NAV3: variants seen among roughly 807,000 people sequenced by gnomAD.
NAV3 encodes pore membrane and/or filament interacting like protein 1.
In NAV3, 87 loss-of-function variants were observed where a neutral mutation model predicts 244.7. The ratio of observed to expected loss-of-function variants is 0.36; its 90% CI spans 0.30 to 0.42. The LOEUF (loss-of-function observed/expected upper bound fraction) is 0.42, where lower values mean the gene tolerates loss of function less well. Ranked by LOEUF, NAV3 falls within the 20% of genes least tolerant of loss-of-function variation. NAV3 has a pLI of 1.00. For missense variants in NAV3, 2,663 were observed against 2,893.3 expected, an observed-to-expected ratio of 0.92 and a Z score of 1.83; for synonymous variants, 1,126 against 1,042.2, an observed-to-expected ratio of 1.08 and a Z score of -1.55.
At chr12:78,042,111 C>T (rs1880966096) in intron 9 of NAV3, among the ~76,000 whole-genome samples, 1 of 152,160 alleles carries the variant, frequency 6.6e-6, no homozygotes, top group Non-Finnish European at 1.5e-5. Flanking sequence ...TAGACATCCT[C>T]TTCAGTCCAG....
rs368400627 is a variant in NAV3 at position 78,159,168 on chromosome 12, A to C, written c.4786-35A>C. 6 of 1,573,288 alleles carry C rather than the reference A, an allele frequency of 3.8e-6. No homozygotes were observed. In the African/African-American group the frequency reaches 8.2e-5, roughly 21 times the overall value. On this transcript the variant is annotated intron_variant, in intron 22 of 39. Coordinates refer to ENST00000397909, the MANE Select transcript of NAV3 (RefSeq NM_001024383.2). ...TTTCATCCATCCACATAAGATTCTG[A>C]CATTTAAACTATGTTTCTTCCATTC...
At chr12:78,177,771 C>A in intron 28 of NAV3, 86 bp downstream of exon 28, 1 of 1,201,228 alleles carries the variant, frequency 8.3e-7, no homozygotes, top group Non-Finnish European at 1.2e-6. Flanking sequence ...TAAAATCACT[C>A]ACATGCATTT....
At chr12:78,158,136 G>T (rs1279181850) in intron 22 of NAV3, among the ~76,000 whole-genome samples, 1 of 152,112 alleles carries the variant, frequency 6.6e-6, no homozygotes, top group Non-Finnish European at 1.5e-5. Flanking sequence ...AGTACATGGA[G>T]ATATATTTTA....
In NAV3 at chr12:77,646,324, T is replaced by C. The variant is rs368307199; in HGVS notation, c.72+74058T>C. ...TTTTAGGTGAAAAGAGTGAAACCTG[T>C]GGTGCTTTACTGCCAGCACTGTAAT... On this transcript the variant is annotated intron_variant, in intron 2 of 8. Coordinates refer to the NAV3 transcript ENST00000550042. 6.6e-5 allele frequency among the ~76,000 whole-genome samples: 10 copies of C among 152,224 alleles called. No homozygotes were observed. In the South Asian group the frequency reaches 1.7e-3, roughly 25 times the overall value.
At chr12:77,902,303 A>G (rs1430319130) in intron 1 of NAV3, among the ~76,000 whole-genome samples, 1 of 152,212 alleles carries the variant, frequency 6.6e-6, no homozygotes, top group Non-Finnish European at 1.5e-5. Context: ...CAGCCATTTC[A>G]TAGAAAGAAC....
At chr12:78,058,924 T>A in intron 11 of NAV3, 72 bp from the exon 12 acceptor site, 1 of 1,361,266 alleles carries the variant, frequency 7.3e-7, no homozygotes, top group East Asian at 2.7e-5. Flanking sequence ...TGGACACCGT[T>A]TGTTTATTAA....
At chr12:77,590,284 C>T (rs1176889576) in intron 2 of NAV3, among the ~76,000 whole-genome samples, 1 of 152,142 alleles carries the variant, frequency 6.6e-6, no homozygotes, top group Non-Finnish European at 1.5e-5. Context: ...AGCTCCTGGC[C>T]TGCCTTTGGC....
At chr12:77,572,868 G>T (rs1200327326) in intron 2 of NAV3, among the ~76,000 whole-genome samples, 1 of 151,976 alleles carries the variant, frequency 6.6e-6, no homozygotes, top group Non-Finnish European at 1.5e-5. Flanking sequence ...AGTAAGAAGT[G>T]GGGATTGAAT....
chr12:77,751,643 A>G (rs1036023267), intron 2 of NAV3, among the ~76,000 whole-genome samples: 3 of 152,306 alleles, frequency 2.0e-5, no homozygotes, highest in East Asian at 3.9e-4. Context: ...CTGTGAATCA[A>G]TTAAACCTCT....
chr12:77,650,967 T>G (rs1241496624), intron 2 of NAV3, among the ~76,000 whole-genome samples: 1 of 152,120 alleles, frequency 6.6e-6, no homozygotes, highest in Non-Finnish European at 1.5e-5. Flanking sequence ...AATTCCATTT[T>G]TTATAAATAT....
intron 13 of NAV3, among the ~76,000 whole-genome samples, 197 bp from the exon 14 acceptor site, chr12:78,117,830 C>T (rs993459225): frequency 2.6e-5 from 4 of 151,984 alleles, no homozygotes; most frequent in African/African-American, 9.7e-5. Context: ...TTGGTGTTTT[C>T]TGCATGTATT....
At chr12:78,118,649 T>G (rs558171255) in intron 14 of NAV3, among the ~76,000 whole-genome samples, 1 of 152,306 alleles carries the variant, frequency 6.6e-6, no homozygotes, top group Admixed American at 6.5e-5. Context: ...GTTTGGAATT[T>G]TTACACTAAA....
At chr12:77,888,533 T>A (rs1270897940) in intron 1 of NAV3, among the ~76,000 whole-genome samples, 1 of 152,150 alleles carries the variant, frequency 6.6e-6, no homozygotes, top group Non-Finnish European at 1.5e-5. Context: ...ATGGCTGATT[T>A]TGTTTTTGAA....
At chr12:77,679,306 T>G (rs1874345432) in intron 2 of NAV3, among the ~76,000 whole-genome samples, 1 of 152,164 alleles carries the variant, frequency 6.6e-6, no homozygotes, top group South Asian at 2.1e-4. Context: ...GAAGACATTA[T>G]GAGAAGGTTT....
intron 2 of NAV3, among the ~76,000 whole-genome samples, chr12:77,578,627 T>C (rs1869206030): frequency 1.3e-5 from 2 of 152,224 alleles, no homozygotes; most frequent in South Asian, 4.1e-4. Flanking sequence ...ATTTAAACTT[T>C]TCAAGAATTC....
chr12:78,193,024 G>T (rs956442161), intron 34 of NAV3, among the ~76,000 whole-genome samples: 1 of 151,508 alleles, frequency 6.6e-6, no homozygotes, highest in Non-Finnish European at 1.5e-5. Flanking sequence ...TGATAATGAG[G>T]CATGAAATAA....
At chr12:77,855,492 A>T (rs1334043156) in intron 1 of NAV3, among the ~76,000 whole-genome samples, 4 of 152,230 alleles carry the variant, frequency 2.6e-5, no homozygotes, top group African/African-American at 9.6e-5. Context: ...GTTCAATGAC[A>T]TTGTGATATA....
intron 12 of NAV3, among the ~76,000 whole-genome samples, chr12:78,092,486 A>ATTTT (rs1953998816): frequency 6.8e-5 from 4 of 59,118 alleles, no homozygotes; most frequent in Non-Finnish European, 1.5e-4. Flanking sequence ...AGCGTTAGTT[A>ATTTT]TTTTCTTTTT....
chr12:77,598,340 T>C (rs983074266), intron 2 of NAV3, among the ~76,000 whole-genome samples: 1 of 152,054 alleles, frequency 6.6e-6, no homozygotes, highest in African/African-American at 2.4e-5. Context: ...AGAATTAAAT[T>C]GTTTCTATTT....
Sources: allele counts gnomAD v4.1 joint callset (sites outside exome capture counted in the v4.1 genomes callset), GRCh38; gene constraint gnomAD v4.1.1; transcripts MANE v1.5; gene names NCBI Gene and HGNC (gene_info 2026-07-23, HGNC 2026-07-21).